Variants in CNTRL observed in about 807,000 individuals in gnomAD.
CNTRL encodes 110 kDa centrosomal protein.
CNTRL carries 233 observed loss-of-function variants against 303.7 expected under a neutral mutation model. The observed-to-expected ratio is 0.77, with a 90% CI of 0.69 to 0.86. The LOEUF is 0.86. Ranked by LOEUF, CNTRL falls within the 40% of genes least tolerant of loss-of-function variation. The pLI is 0.00. For missense variants in CNTRL, 2,524 were observed against 2,650.6 expected, an observed-to-expected ratio of 0.95 and a Z score of 1.05; for synonymous variants, 900 against 922.2, an observed-to-expected ratio of 0.98 and a Z score of 0.44.
At position 121,088,205 on chromosome 9, in the gene CNTRL, T is replaced by A. The variant is rs1028536296; in HGVS notation, c.-31-91T>A. On this transcript the variant is annotated intron_variant, in intron 2 of 43. Coordinates refer to ENST00000373855, the MANE Select transcript of CNTRL (RefSeq NM_007018.6). ...GTCCTAGCATTTATGGCCTCTGAGT[T>A]TATAACTTTATAGACCTGAAGGTTC... 1.1e-5 allele frequency: 7 copies of A among 662,732 alleles called. No homozygotes were observed. The African/African-American group carries it at 1.3e-4, about 12-fold the overall frequency. 41.1% of individuals were successfully genotyped at this position (662,732 alleles called of 1,614,324 possible). A position where few individuals can be genotyped will look rare whatever the true frequency, so the allele number is the denominator to read the frequency against.
intron 31 of CNTRL, among the ~76,000 whole-genome samples, chr9:121,159,539 G>C (rs1322050436): frequency 1.3e-5 from 2 of 152,164 alleles, no homozygotes; most frequent in East Asian, 1.9e-4. Flanking sequence ...GACTGAGATA[G>C]GAGAATTGCT....
intron 14 of CNTRL, among the ~76,000 whole-genome samples, chr9:121,127,018 C>T (rs1222749351): frequency 6.6e-6 from 1 of 152,048 alleles, no homozygotes; most frequent in East Asian, 1.9e-4. Context: ...TGGGGTTTCT[C>T]CATGTTGGTC....
intron 25 of CNTRL, among the ~76,000 whole-genome samples, chr9:121,150,910 T>C (rs1017463156): frequency 6.6e-6 from 1 of 152,256 alleles, no homozygotes; most frequent in East Asian, 1.9e-4. Context: ...GTTATATTAA[T>C]GTGTATGTAT....
intron 12 of CNTRL, 30 bp from the exon 13 acceptor site, chr9:121,123,901 G>A (rs772562278): frequency 9.8e-5 from 149 of 1,525,170 alleles, no homozygotes; most frequent in Non-Finnish European, 1.3e-4. Context: ...AAGGAACTTG[G>A]AGTTTTGTTG....
chr9:121,089,350 G>C (rs923129789), intron 3 of CNTRL, among the ~76,000 whole-genome samples: 1 of 152,120 alleles, frequency 6.6e-6, no homozygotes, highest in Admixed American at 6.5e-5. Context: ...TAATCTTAGA[G>C]AATCTTTGGC....
At chr9:121,076,469 T>C (rs976349267) in intron 1 of CNTRL, among the ~76,000 whole-genome samples, 1 of 151,618 alleles carries the variant, frequency 6.6e-6, no homozygotes, top group African/African-American at 2.4e-5. Flanking sequence ...GAGGTTTGAG[T>C]ATTTTGTTTA....
chr9:121,080,677 A>G (rs1200994680), intron 2 of CNTRL, among the ~76,000 whole-genome samples, 199 bp downstream of exon 2: 2 of 152,206 alleles, frequency 1.3e-5, no homozygotes, highest in East Asian at 3.8e-4. Context: ...TTCTTGTGAG[A>G]CTTAAGAATT....
Position 121,165,076 on chromosome 9 carries a change from T to G in CNTRL, c.5557T>G (p.Ser1853Ala), listed in dbSNP as rs1329618794. ...RDKLSLHNDISAMQQQLQEKR... is the reference protein window; with the variant it reads ...RDKLSLHNDIAAMQQQLQEKR... Reference sequence around the variant, plus strand: ...CAAGTTGTCACTGCATAACGACATTTCAGCAATGCAACAGCAGCTCCAAGG... The same window carrying G: ...CAAGTTGTCACTGCATAACGACATTGCAGCAATGCAACAGCAGCTCCAAGG... Residue 1853 changes from serine to alanine, a missense_variant, in exon 35 of 44, where the codon TCA (serine) becomes GCA (alanine). Physicochemically the swap from Ser to Ala is moderately conservative, Grantham distance 99. Coordinates refer to ENST00000373855, the MANE Select transcript of CNTRL (RefSeq NM_007018.6). 5 of 1,592,932 alleles carry G rather than the reference T, an allele frequency of 3.1e-6. No homozygotes were observed. Among genetic ancestry groups the G allele is most frequent in the African/African-American group, 1.4e-5 (1 of 73,320 alleles).
intron 14 of CNTRL, among the ~76,000 whole-genome samples, chr9:121,126,570 T>C (rs2133551081): frequency 6.6e-6 from 1 of 152,316 alleles, no homozygotes; most frequent in South Asian, 2.1e-4. Context: ...TTTAACATCA[T>C]GTACTGACAA....
At chr9:121,172,031 A>G (rs1255390461) in intron 40 of CNTRL, among the ~76,000 whole-genome samples, 1 of 152,170 alleles carries the variant, frequency 6.6e-6, no homozygotes, top group East Asian at 1.9e-4. Context: ...CATCTGGGCC[A>G]TCCCTGAACT....
At chr9:121,098,831 A>AAG (rs1236055740) in intron 7 of CNTRL, among the ~76,000 whole-genome samples, 2 of 150,512 alleles carry the variant, frequency 1.3e-5, no homozygotes, top group Non-Finnish European at 3.0e-5. Flanking sequence ...AAGACAGACA[A>AAG]AAAAAAAAAC....
At chr9:121,090,431 TA>T in intron 4 of CNTRL, 26 bp downstream of exon 4, 1 of 1,597,948 alleles carries the variant, frequency 6.3e-7, no homozygotes, top group Non-Finnish European at 8.5e-7. Context: ...TTTCTGAGCA[TA>T]GATACTGTTT....
chr9:121,079,397 G>T (rs892281393), intron 1 of CNTRL, among the ~76,000 whole-genome samples: 1 of 152,134 alleles, frequency 6.6e-6, no homozygotes, highest in African/African-American at 2.4e-5. Context: ...GCCAGGTGTG[G>T]TAGCTCATGC....
chr9:121,166,068 G>A (rs201902847), intron 35 of CNTRL, 39 bp from the exon 36 acceptor site: 87 of 1,421,236 alleles, frequency 6.1e-5, no homozygotes, highest in Admixed American at 8.7e-5. Context: ...CAGTAAATAC[G>A]TATGTATTTC....
At chr9:121,104,178 T>C (rs1317441510) in intron 7 of CNTRL, among the ~76,000 whole-genome samples, 1 of 152,224 alleles carries the variant, frequency 6.6e-6, no homozygotes, top group Non-Finnish European at 1.5e-5. Flanking sequence ...ATATACACCA[T>C]GGAATACTAT....
Position 121,121,693 on chromosome 9 carries a change from G to C in CNTRL, c.1651-2238G>C, listed in dbSNP as rs1290036659. On this transcript the variant is annotated intron_variant, in intron 12 of 43. Transcript: ENST00000373855. The stretch of plus-strand genomic sequence containing the variant: ...CGTGATTGGCCCCTGGGAGCTTCCT[G>C]TGTTATGATTTAACTCGCGGAGGGT... The C allele has an allele frequency of 7.2e-6, 5 of 693,936 alleles. No individual in the cohort carries two copies. The Admixed American group carries it at 3.1e-4, about 44-fold the overall frequency. 43.0% of individuals were successfully genotyped at this position (693,936 alleles called of 1,614,324 possible).
intron 15 of CNTRL, among the ~76,000 whole-genome samples, chr9:121,136,637 T>C (rs897773242): frequency 6.6e-6 from 1 of 152,114 alleles, no homozygotes; most frequent in African/African-American, 2.4e-5. Context: ...TGATGATAAG[T>C]TGTAGTTTGC....
chr9:121,125,250 C>T (rs920422288), intron 13 of CNTRL, among the ~76,000 whole-genome samples: 1 of 151,858 alleles, frequency 6.6e-6, no homozygotes, highest in Non-Finnish European at 1.5e-5. Context: ...TCACTGCAAC[C>T]TCTGCCTCCT....
chr9:121,153,805 A>G (rs573342203), intron 26 of CNTRL, among the ~76,000 whole-genome samples: 2 of 152,232 alleles, frequency 1.3e-5, no homozygotes, highest in South Asian at 4.1e-4. Context: ...AGAGGACACA[A>G]GTAAGTAAGA....
Sources: allele counts gnomAD v4.1 joint callset (sites outside exome capture counted in the v4.1 genomes callset), GRCh38; gene constraint gnomAD v4.1.1; transcripts MANE v1.5; gene names NCBI Gene and HGNC (gene_info 2026-07-23, HGNC 2026-07-21).